The following DNM1 variants were observed in gnomAD, a reference collection of about 807,000 sequenced individuals.
The protein encoded by DNM1 is dynamin-1.
In DNM1, 29 loss-of-function variants were observed where a neutral mutation model predicts 104.6. The ratio of observed to expected loss-of-function variants is 0.28; its 90% CI spans 0.21 to 0.38. The LOEUF (loss-of-function observed/expected upper bound fraction) is 0.38. Ranked by LOEUF, DNM1 falls within the 10% of genes least tolerant of loss-of-function variation. The pLI is 1.00. For synonymous variants in DNM1, 445 were observed against 475.8 expected (o/e 0.94, Z 0.84); for missense variants, 640 against 1,189.4 (o/e 0.54, Z 6.79).
chr9:128,248,246 G>A lies in DNM1; in HGVS notation c.1905+311G>A. 1 of 504,908 alleles carries A rather than the reference G, an allele frequency of 2.0e-6. No homozygotes were observed. Among genetic ancestry groups the A allele is most frequent in the Non-Finnish European group, 3.6e-6 (1 of 279,990 alleles). 31.3% of individuals were successfully genotyped at this position (504,908 alleles called of 1,614,324 possible). A position where few individuals can be genotyped will look rare whatever the true frequency, so the allele number is the denominator to read the frequency against. ...GGAGGCTGAGGCAGGAGAATCGCTT[G>A]AACCCAGGAGGAGGTTGCAATGAGC... On this transcript the variant is annotated intron_variant, in intron 18 of 21. Coordinates refer to ENST00000372923, the MANE Select transcript of DNM1 (RefSeq NM_004408.4). The surrounding 1 kb of genome is among the most constrained non-coding windows in gnomAD (Gnocchi z 5.6).
chr9:128,249,977 T>C lies in DNM1; in HGVS notation c.2077-138T>C, dbSNP rs12343000. ...GAGTGAGAAAAGCGCGGTGGGGAGG[T>C]GAATCTTCCAGTCTACGCAGTGTAG... is the stretch of plus-strand genomic sequence containing the variant. On this transcript the variant is annotated intron_variant, in intron 19 of 21. Transcript: ENST00000372923. 342,852 of 1,277,108 alleles carry C rather than the reference T, an allele frequency of 0.27. 47,637 individuals carry two copies. Among genetic ancestry groups the C allele is most frequent in the East Asian group, 0.4 (16,710 of 41,610 alleles). The allele number at this position is 1,277,108 out of a possible 1,614,324, so 79.1% of individuals were successfully genotyped here. A position where few individuals can be genotyped will look rare whatever the true frequency, so the allele number is the denominator to read the frequency against.
In DNM1 at chr9:128,241,917, A is replaced by G. The variant is rs76021274; in HGVS notation, c.1558-315A>G. Among the ~76,000 whole-genome samples the G allele has an allele frequency of 0.032, 4,916 of 152,308 alleles. 105 individuals are homozygous for G. Among genetic ancestry groups the G allele is most frequent in the Non-Finnish European group, 0.045 (3,052 of 68,028 alleles). ...CCAAGACTCGCAGTTGGCTTCCCCA[A>G]TCGGCCCCATAAACTCTGCTTGCAT... On this transcript the variant is annotated intron_variant, in intron 14 of 21. Coordinates refer to ENST00000372923, the MANE Select transcript of DNM1 (RefSeq NM_004408.4).
At chr9:128,241,743 G>A (rs1836379075) in intron 14 of DNM1, among the ~76,000 whole-genome samples, 1 of 152,142 alleles carries the variant, frequency 6.6e-6, no homozygotes, top group African/African-American at 2.4e-5. Context: ...GACAGGAAGG[G>A]GCTGCCTGAG....
chr9:128,222,422 C>T lies in DNM1; in HGVS notation c.993-39C>T. The stretch of plus-strand genomic sequence containing the variant: ...CTCTCCCAGGGTTCCCTTTGCTGGG[C>T]TGCTCCTGCCCCCTCAGGCCACACC... On this transcript the variant is annotated intron_variant, in intron 7 of 21. Transcript: ENST00000372923. The surrounding 1 kb of genome is among the most constrained non-coding windows in gnomAD (Gnocchi z 7.8). 3 of 1,611,568 alleles carry T rather than the reference C, an allele frequency of 1.9e-6. No homozygotes were observed. The highest frequency in any genetic ancestry group is 2.5e-6 in the Non-Finnish European group (3 of 1,178,026).
In DNM1 at chr9:128,245,593, C is replaced by T. The variant is rs923602924; in HGVS notation, c.1672-801C>T. The stretch of plus-strand genomic sequence containing the variant: ...GTGCACAGATACACATAACTCCTCC[C>T]AGACAGCTCTAGATAAATCAAACAC... On this transcript the variant is annotated intron_variant, in intron 15 of 21. Transcript: ENST00000372923. This position sits in a 1 kb window ranked among gnomAD's most constrained non-coding sequence, Gnocchi z 5.2. 6.6e-6 allele frequency among the ~76,000 whole-genome samples: 1 copy of T among 152,182 alleles called. No individual in the cohort carries two copies. Among genetic ancestry groups the T allele is most frequent in the Non-Finnish European group, 1.5e-5 (1 of 68,038 alleles).
Position 128,224,459 on chromosome 9 carries a change from C to A in DNM1, c.1335+70C>A. The A allele has an allele frequency of 6.8e-7, 1 of 1,480,468 alleles. No homozygotes were observed. The highest frequency in any genetic ancestry group is 9.2e-7 in the Non-Finnish European group (1 of 1,085,912). The allele number at this position is 1,480,468 out of a possible 1,614,324, so 91.7% of individuals were successfully genotyped here. A position where few individuals can be genotyped will look rare whatever the true frequency, so the allele number is the denominator to read the frequency against. Reference sequence around the variant, plus strand: ...CTGCACTGCTGCCAGGCGCTCCTTCCCCATGTCCCCCCCTGCCTCCTCGGT... The same window carrying A: ...CTGCACTGCTGCCAGGCGCTCCTTCACCATGTCCCCCCCTGCCTCCTCGGT... On this transcript the variant is annotated intron_variant, in intron 10 of 21. Coordinates refer to ENST00000372923, the MANE Select transcript of DNM1 (RefSeq NM_004408.4). The surrounding 1 kb of genome is among the most constrained non-coding windows in gnomAD (Gnocchi z 4.3).
Position 128,224,525 on chromosome 9 carries a change from A to C in DNM1, c.1335+136A>C. The C allele has an allele frequency of 1.3e-6, 1 of 761,556 alleles. No homozygotes were observed. Among genetic ancestry groups the C allele is most frequent in the Non-Finnish European group, 2.0e-6 (1 of 503,680 alleles). The allele number at this position is 761,556 out of a possible 1,614,324, so 47.2% of individuals were successfully genotyped here. ...CAGCGGGGTGGGGAGGCAGGCCACCACTGAATAGGAGACAATGTGCCTCTG... is the reference window on the plus strand; with the variant it reads ...CAGCGGGGTGGGGAGGCAGGCCACCCCTGAATAGGAGACAATGTGCCTCTG... On this transcript the variant is annotated intron_variant, in intron 10 of 21. Transcript: ENST00000372923. The surrounding 1 kb of genome is among the most constrained non-coding windows in gnomAD (Gnocchi z 4.3).
Position 128,248,508 on chromosome 9 carries a change from G to T in DNM1, c.1906-75G>T. 6.4e-7 allele frequency: 1 copy of T among 1,555,618 alleles called. No individual in the cohort carries two copies. On this transcript the variant is annotated intron_variant, in intron 18 of 21. Transcript: ENST00000372923. This position sits in a 1 kb window ranked among gnomAD's most constrained non-coding sequence, Gnocchi z 5.6. The stretch of plus-strand genomic sequence containing the variant: ...TCAATATTCTGGGTACCCTTGGAGG[G>T]GCTGAGATCCTGGGGATGCCTGGAG...
In DNM1 at chr9:128,240,642, GC is replaced by G. The variant is rs1466919586; in HGVS notation, c.1557+650del. The stretch of plus-strand genomic sequence containing the variant: ...GTTTATCATTAAATCCTCAGCTCAA[GC>G]CCCTAGCCTGGCACGCAGTAGGTGC... On this transcript the variant is annotated intron_variant, in intron 14 of 21. Transcript: ENST00000372923. The surrounding 1 kb of genome is among the most constrained non-coding windows in gnomAD (Gnocchi z 5.1). 1 of 152,398 alleles carries G rather than the reference GC, an allele frequency of 6.6e-6. No individual in the cohort carries two copies. The highest frequency in any genetic ancestry group is 2.4e-5 in the African/African-American group (1 of 41,388). The allele number at this position is 152,398 out of a possible 1,614,324, so 9.4% of individuals were successfully genotyped here. A position where few individuals can be genotyped will look rare whatever the true frequency, so the allele number is the denominator to read the frequency against.
chr9:128,239,904 C>T (rs373844322), intron 13 of DNM1, 81 bp from the exon 14 acceptor site: 136 of 1,592,738 alleles, frequency 8.5e-5, no homozygotes, highest in Admixed American at 1.7e-4. Context: ...CTGCCAGCCA[C>T]AAGCCTCCCA....
intron 10 of DNM1, chr9:128,233,736 C>G (rs978066806): frequency 2.0e-6 from 1 of 505,712 alleles, no homozygotes; most frequent in South Asian, 2.2e-5. Flanking sequence ...CTTTCTCCCA[C>G]GGGAACCACC....
In DNM1 at chr9:128,253,549, C is replaced by T. The variant is rs1020096932; in HGVS notation, c.2535-1105C>T. The stretch of plus-strand genomic sequence containing the variant: ...GGAACGTTATCCTGGGCACACCGTG[C>T]GTGGTGTGCAGTCTGAGTCATGCTC... On this transcript the variant is annotated intron_variant, in intron 21 of 21. Transcript: ENST00000372923. This position sits in a 1 kb window ranked among gnomAD's most constrained non-coding sequence, Gnocchi z 5.9. 1.3e-5 allele frequency: 3 copies of T among 233,098 alleles called. No homozygotes were observed. Among genetic ancestry groups the T allele is most frequent in the African/African-American group, 2.3e-5 (1 of 44,124 alleles). The allele number at this position is 233,098 out of a possible 1,614,324, so 14.4% of individuals were successfully genotyped here. A position where few individuals can be genotyped will look rare whatever the true frequency, so the allele number is the denominator to read the frequency against.
intron 10 of DNM1, chr9:128,231,996 A>G (rs1835721732): frequency 2.2e-6 from 1 of 456,672 alleles, no homozygotes; most frequent in Non-Finnish European, 4.4e-6. Context: ...CTGGCGGAAC[A>G]TCCTGGAAAT....
rs1157166405 is a variant in DNM1, at chr9:128,224,226, C to T, written c.1197-25C>T. The T allele has an allele frequency of 6.2e-7, 1 of 1,608,590 alleles. No homozygotes were observed. The highest frequency in any genetic ancestry group is 2.2e-5 in the East Asian group (1 of 44,808). On this transcript the variant is annotated intron_variant, in intron 9 of 21. Transcript: ENST00000372923. This position sits in a 1 kb window ranked among gnomAD's most constrained non-coding sequence, Gnocchi z 4.3. ...GCCGGCACTGGCCTGTGACACTCTG[C>T]CCTTCTCCCGCTCCGGGCGTTCAGA...
chr9:128,252,821 C>G, intron 21 of DNM1: 10 of 668,832 alleles, frequency 1.5e-5, no homozygotes, highest in Non-Finnish European at 2.7e-5. Flanking sequence ...TGTGTTGTGA[C>G]TCTGCCCACA....
At chr9:128,225,167 G>A (rs1004019397) in intron 10 of DNM1, among the ~76,000 whole-genome samples, 6 of 152,108 alleles carry the variant, frequency 3.9e-5, no homozygotes, top group Non-Finnish European at 5.9e-5. Context: ...CCACGGCTCT[G>A]GACTCCAAGT....
intron 10 of DNM1, chr9:128,225,886 CTT>C: frequency 1.4e-6 from 1 of 717,962 alleles, no homozygotes; most frequent in Non-Finnish European, 2.4e-6. Context: ...CTCTCTCTCT[CTT>C]TATCTGTGTC....
intron 21 of DNM1, chr9:128,252,646 G>A (rs1207374812): frequency 2.3e-6 from 1 of 429,726 alleles, no homozygotes; most frequent in Non-Finnish European, 4.7e-6. Context: ...GGGGCTCAAT[G>A]CTGTGGGCAG....
chr9:128,253,959 A>G lies in DNM1; in HGVS notation c.2535-695A>G. On this transcript the variant is annotated intron_variant, in intron 21 of 21. Transcript: ENST00000372923. The surrounding 1 kb of genome is among the most constrained non-coding windows in gnomAD (Gnocchi z 5.9). ...CAGCTGAGCTCCGCCCAGTGAGCCC[A>G]CCCCCCATTCTCCTGCCACTGACTC... 3 of 1,232,164 alleles carry G rather than the reference A, an allele frequency of 2.4e-6. No homozygotes were observed. The highest frequency in any genetic ancestry group is 3.0e-6 in the Non-Finnish European group (3 of 988,564). The allele number at this position is 1,232,164 out of a possible 1,614,324, so 76.3% of individuals were successfully genotyped here.
Sources: allele counts gnomAD v4.1 joint callset (sites outside exome capture counted in the v4.1 genomes callset), GRCh38; gene constraint gnomAD v4.1.1; non-coding constraint Gnocchi (gnomAD v3.1); transcripts MANE v1.5; gene names NCBI Gene and HGNC (gene_info 2026-07-23, HGNC 2026-07-21).